Variants in COL3A1 observed in about 807,000 individuals in gnomAD.
COL3A1 encodes the protein collagen alpha-1(III) chain.
Under a neutral mutation model 200.9 loss-of-function variants are expected in COL3A1, and 46 were observed. The ratio of observed to expected loss-of-function variants is 0.23; its 90% CI spans 0.18 to 0.29. COL3A1 has a LOEUF of 0.29. COL3A1 is among the 10% of genes least tolerant of loss of function. COL3A1 has a pLI of 1.00. For missense variants in COL3A1, 1,367 were observed against 1,917.6 expected, an observed-to-expected ratio of 0.71 and a Z score of 5.36; for synonymous variants, 650 against 628.0, an observed-to-expected ratio of 1.03 and a Z score of -0.52.
intron 40 of COL3A1, 60 bp downstream of exon 40, chr2:189,004,424 T>C: frequency 1.4e-6 from 2 of 1,456,434 alleles, no homozygotes; most frequent in Non-Finnish European, 1.9e-6. Context: ...AGAGATCACT[T>C]AACCATATCA....
chr2:188,995,454 A>T (rs950030569), intron 21 of COL3A1, among the ~76,000 whole-genome samples: 1 of 152,224 alleles, frequency 6.6e-6, no homozygotes, highest in Non-Finnish European at 1.5e-5. Flanking sequence ...ACATAATTAT[A>T]TTTTTAAGCA....
chr2:188,992,795 T>G, intron 14 of COL3A1, 92 bp from the exon 15 acceptor site: 1 of 977,660 alleles, frequency 1.0e-6, no homozygotes, highest in Non-Finnish European at 1.7e-6. Flanking sequence ...CATAAATATC[T>G]TCTTTACTTT....
chr2:188,987,024 TA>T, intron 4 of COL3A1, 34 bp from the exon 5 acceptor site: 1 of 1,557,548 alleles, frequency 6.4e-7, no homozygotes, highest in Non-Finnish European at 8.9e-7. Context: ...AACTGTCTGT[TA>T]AAATGATCAT....
intron 36 of COL3A1, 48 bp downstream of exon 36, chr2:189,003,110 C>T (rs1249997145): frequency 7.2e-7 from 1 of 1,386,934 alleles, no homozygotes; most frequent in Non-Finnish European, 1.0e-6. Context: ...ATCTATCTAT[C>T]TATTGATTAT....
rs1688583785 is a variant in COL3A1, at chr2:189,006,264, A to G, written c.3093+5A>G. 6 of 1,614,174 alleles carry G rather than the reference A, an allele frequency of 3.7e-6. No individual in the cohort carries two copies. Among genetic ancestry groups the G allele is most frequent in the Non-Finnish European group, 1.7e-6 (2 of 1,179,996 alleles). On this transcript the variant is annotated splice_donor_5th_base_variant and intron_variant, in intron 42 of 50. Coordinates refer to ENST00000304636, the MANE Select transcript of COL3A1 (RefSeq NM_000090.4). ...GATGGATCTCCTGGTGGCAAGGTAT[A>G]ATAAACACATGTGCAATTGATTTGT...
chr2:188,995,407 A>G (rs1470583858), intron 21 of COL3A1, among the ~76,000 whole-genome samples: 1 of 152,230 alleles, frequency 6.6e-6, no homozygotes, highest in African/African-American at 2.4e-5. Flanking sequence ...TACATCAAAT[A>G]TGATTTCATA....
At chr2:188,978,110 A>G (rs777446442) in intron 1 of COL3A1, 2 of 379,532 alleles carry the variant, frequency 5.3e-6, no homozygotes, top group Non-Finnish European at 5.3e-6. Context: ...ATAGGCCTTT[A>G]GATCATCTGA....
At chr2:188,988,250 C>T (rs761206759) in intron 6 of COL3A1, 116 bp downstream of exon 6, 19 of 925,888 alleles carry the variant, frequency 2.1e-5, no homozygotes, top group Non-Finnish European at 3.2e-5. Flanking sequence ...CTAGAGAAAT[C>T]ATAACCAAGA....
Position 188,997,222 on chromosome 2 carries a change from C to G in COL3A1, c.1815+4C>G. 1 of 1,613,956 alleles carries G rather than the reference C, an allele frequency of 6.2e-7. No individual in the cohort carries two copies. Among genetic ancestry groups the G allele is most frequent in the Non-Finnish European group, 8.5e-7 (1 of 1,179,978 alleles). On this transcript the variant is annotated splice_donor_region_variant and intron_variant, in intron 25 of 50. Transcript: ENST00000304636. ...CCCTGGAGGACCTGGCCCTCAGGTACGTAGCTTTCCTCAATTTATTTCTAG... is the reference window on the plus strand; with the variant it reads ...CCCTGGAGGACCTGGCCCTCAGGTAGGTAGCTTTCCTCAATTTATTTCTAG...
Position 189,011,861 on chromosome 2 carries a change from C to T in COL3A1, c.*87C>T. The T allele has an allele frequency of 7.0e-7, 1 of 1,433,980 alleles. No individual in the cohort carries two copies. Among genetic ancestry groups the T allele is most frequent in the East Asian group, 2.3e-5 (1 of 43,748 alleles). The allele number at this position is 1,433,980 out of a possible 1,614,324, so 88.8% of individuals were successfully genotyped here. A position where few individuals can be genotyped will look rare whatever the true frequency, so the allele number is the denominator to read the frequency against. ...TAATCTTGTCAACCAGTGCAAGTGA[C>T]CGACAAAATTCCAGTTATTTATTTC... On this transcript the variant is annotated 3_prime_UTR_variant, in exon 51 of 51. Transcript: ENST00000304636.
At chr2:188,983,448 A>G (rs1687996557) in intron 1 of COL3A1, among the ~76,000 whole-genome samples, 1 of 151,934 alleles carries the variant, frequency 6.6e-6, no homozygotes, top group South Asian at 2.1e-4. Context: ...TTTGGTGAAC[A>G]TTTACTAAAT....
intron 40 of COL3A1, 36 bp from the exon 41 acceptor site, chr2:189,005,314 G>A (rs750670250): frequency 6.4e-7 from 1 of 1,561,972 alleles, no homozygotes; most frequent in African/African-American, 1.4e-5. Flanking sequence ...GATTTCTTAA[G>A]TTGAAACAAA....
In COL3A1 at chr2:188,985,661, T is replaced by G; in HGVS notation, c.334-4T>G. The G allele has an allele frequency of 6.3e-7, 1 of 1,597,436 alleles. No individual in the cohort carries two copies. The highest frequency in any genetic ancestry group is 8.6e-7 in the Non-Finnish European group (1 of 1,167,942). ...TATTTAATTTATTTTTATCTCTTTT[T>G]TAGGGCCCTCCTGGTATTCCTGGGA... On this transcript the variant is annotated splice_polypyrimidine_tract_variant and splice_region_variant and intron_variant, in intron 3 of 50. Transcript: ENST00000304636.
chr2:189,007,290 A>G (rs13000127), intron 44 of COL3A1, among the ~76,000 whole-genome samples: 1 of 151,582 alleles, frequency 6.6e-6, no homozygotes, highest in Non-Finnish European at 1.5e-5. Flanking sequence ...CCAAGGATAG[A>G]AACATCAGTT....
chr2:189,003,099 C>CATCT (rs1212274396), intron 36 of COL3A1, 37 bp downstream of exon 36: 3 of 1,427,348 alleles, frequency 2.1e-6, no homozygotes, highest in African/African-American at 2.8e-5. Flanking sequence ...ATCTATCTAT[C>CATCT]ATCTATCTAT....
chr2:188,992,369 T>C (rs1022637253), intron 14 of COL3A1, 141 bp downstream of exon 14: 1 of 754,782 alleles, frequency 1.3e-6, no homozygotes, highest in Non-Finnish European at 2.1e-6. Context: ...TTAGCATCTC[T>C]GTTGACCATT....
chr2:188,984,998 C>T, intron 2 of COL3A1, 36 bp downstream of exon 2: 1 of 1,585,464 alleles, frequency 6.3e-7, no homozygotes. Flanking sequence ...CTTCAATATT[C>T]ATATTTAGAC....
At chr2:189,009,294 A>G (rs1014639867) in intron 48 of COL3A1, 73 bp downstream of exon 48, 12 of 1,545,980 alleles carry the variant, frequency 7.8e-6, no homozygotes, top group Non-Finnish European at 8.9e-6. Context: ...AATGGGAACG[A>G]AAAAACATCT....
In COL3A1 at chr2:188,991,507, C is replaced by G. The variant is rs138569287; in HGVS notation, c.873C>G (p.Gly291=). ...TCTAGGGTGAAAATGGTCTTCCAGG[C>G]GAAAATGGAGCTCCTGGACCCATGG... The part of the protein sequence containing the change: ...PGLKGENGLP[G]ENGAPGPMGP... Residue 291 remains glycine, a synonymous_variant, in exon 12 of 51, where the codon GGC becomes GGG. Coordinates refer to ENST00000304636, the MANE Select transcript of COL3A1 (RefSeq NM_000090.4). 2 of 1,610,414 alleles carry G rather than the reference C, an allele frequency of 1.2e-6. No homozygotes were observed. Among genetic ancestry groups the G allele is most frequent in the Non-Finnish European group, 1.7e-6 (2 of 1,177,496 alleles).
Sources: allele counts gnomAD v4.1 joint callset (sites outside exome capture counted in the v4.1 genomes callset), GRCh38; gene constraint gnomAD v4.1.1; transcripts MANE v1.5; gene names NCBI Gene and HGNC (gene_info 2026-07-23, HGNC 2026-07-21).